DNAH6: variants seen among roughly 807,000 people sequenced by gnomAD.
DNAH6 encodes the protein dynein axonemal heavy chain 6.
DNAH6 carries 340 observed loss-of-function variants against 491.4 expected under a neutral mutation model. The ratio of observed to expected loss-of-function variants is 0.69; its 90% CI spans 0.63 to 0.76. DNAH6 has a LOEUF of 0.76. Among genes scored for constraint, DNAH6 ranks in the 30% least tolerant of loss-of-function variants. DNAH6 has a pLI of 0.00. For missense variants in DNAH6, 4,443 were observed against 4,972.2 expected (o/e 0.89, Z 3.20); for synonymous variants, 1,603 against 1,686.1 (o/e 0.95, Z 1.21).
rs760950704 is a variant in DNAH6 at position 84,550,004 on chromosome 2, G to C, written c.1432G>C (p.Asp478His). 5.0e-6 allele frequency: 8 copies of C among 1,613,888 alleles called. No homozygotes were observed. Among genetic ancestry groups the C allele is most frequent in the Non-Finnish European group, 6.8e-6 (8 of 1,179,964 alleles). Residue 478 changes from aspartate (D) to histidine (H), a missense_variant, in exon 9 of 77, where the codon GAT (aspartate) becomes CAT (histidine). Physicochemically the swap from Asp to His is moderately conservative, Grantham distance 81. This residue lies in a region of DNAH6 where 2,977 missense variants were observed against 3,296.6 expected (regional missense o/e 0.90). Coordinates refer to ENST00000389394, the MANE Select transcript of DNAH6 (RefSeq NM_001370.2). ...CAAGCTAAAACGAACACCTTCAGCAGATGTCATTCAGAAATGGATTACTGA... is the reference window on the plus strand; with the variant it reads ...CAAGCTAAAACGAACACCTTCAGCACATGTCATTCAGAAATGGATTACTGA... Reference protein sequence around the residue: ...TDKLKRTPSADVIQKWITEEK... With the variant: ...TDKLKRTPSAHVIQKWITEEK...
chr2:84,525,608 T>C lies in DNAH6; in HGVS notation c.269T>C (p.Ile90Thr). The C allele has an allele frequency of 6.5e-7, 1 of 1,550,250 alleles. No homozygotes were observed. Among genetic ancestry groups the C allele is most frequent in the Non-Finnish European group, 8.7e-7 (1 of 1,146,222 alleles). The change falls in exon 3 of 77, where the codon ATA (isoleucine) becomes ACA (threonine). Residue 90 changes from isoleucine to threonine, a missense_variant. Physicochemically the swap from Ile to Thr is moderately conservative, Grantham distance 89. Coordinates refer to ENST00000389394, the MANE Select transcript of DNAH6 (RefSeq NM_001370.2). The part of the protein sequence containing the change: ...VYQDHKQPEY[I>T]HEQNRFQLMT... ...CAAGATCATAAGCAGCCAGAATACA[T>C]ACATGAACAGAACCGATTTCAGTTA...
In DNAH6 at chr2:84,744,442, T is replaced by G. The variant is rs573165063; in HGVS notation, c.10343-638T>G. 2.0e-5 allele frequency among the ~76,000 whole-genome samples: 3 copies of G among 152,368 alleles called. No individual in the cohort carries two copies. The East Asian group carries it at 5.8e-4, about 29-fold the overall frequency. On this transcript the variant is annotated intron_variant, in intron 62 of 76. Coordinates refer to ENST00000389394, the MANE Select transcript of DNAH6 (RefSeq NM_001370.2). ...ATACAAGATACAAATCCATTTCTTATAAATATTCTATAGCCAGGGAGCAGG... is the reference window on the plus strand; with the variant it reads ...ATACAAGATACAAATCCATTTCTTAGAAATATTCTATAGCCAGGGAGCAGG...
Position 84,727,728 on chromosome 2 carries a change from C to G in DNAH6, c.10032C>G (p.Asp3344Glu). 6.4e-7 allele frequency: 1 copy of G among 1,551,568 alleles called. No individual in the cohort carries two copies. Among genetic ancestry groups the G allele is most frequent in the Non-Finnish European group, 8.7e-7 (1 of 1,146,852 alleles). The change falls in exon 61 of 77, where the codon GAC becomes GAG. Residue 3344 changes from aspartate (D) to glutamate (E), a missense_variant. Coordinates refer to ENST00000389394, the MANE Select transcript of DNAH6 (RefSeq NM_001370.2). Reference protein sequence around the residue: ...VKTENLQQRLDVLLEQTLLTA... With the variant: ...VKTENLQQRLEVLLEQTLLTA... ...CAGAAAATCTACAACAGCGCCTGGA[C>G]GTACTACTAGAACAAACTCTCCTAA...
Position 84,805,520 on chromosome 2 carries a change from T to G in DNAH6, c.11482-145T>G. On this transcript the variant is annotated intron_variant, in intron 70 of 76. Transcript: ENST00000389394. ...GTTAAGAGGGTAGATCTCATGTTAA[T>G]TGTTCTTACCACAATAAAATAAAGT... 3 of 687,116 alleles carry G rather than the reference T, an allele frequency of 4.4e-6. No individual in the cohort carries two copies. In the East Asian group the frequency reaches 9.6e-5, roughly 22 times the overall value. The allele number at this position is 687,116 out of a possible 1,614,324, so 42.6% of individuals were successfully genotyped here.
chr2:84,786,797 C>T (rs534121855), intron 67 of DNAH6, among the ~76,000 whole-genome samples: 2 of 152,266 alleles, frequency 1.3e-5, no homozygotes, highest in South Asian at 4.1e-4. Flanking sequence ...GAGTAGCTCT[C>T]TCCACCAGAT....
At chr2:84,571,792 G>C (rs546804947) in intron 11 of DNAH6, among the ~76,000 whole-genome samples, 12 of 151,410 alleles carry the variant, frequency 7.9e-5, no homozygotes, top group Non-Finnish European at 1.3e-4. Context: ...GGTGGCGGGC[G>C]CCTGTAATCC....
intron 64 of DNAH6, among the ~76,000 whole-genome samples, chr2:84,773,686 T>C (rs973572578): frequency 6.6e-6 from 1 of 152,130 alleles, no homozygotes; most frequent in African/African-American, 2.4e-5. Flanking sequence ...TGTGAACAAA[T>C]GCACAGTTTA....
At chr2:84,582,606 T>A (rs944058467) in intron 14 of DNAH6, among the ~76,000 whole-genome samples, 2 of 152,154 alleles carry the variant, frequency 1.3e-5, no homozygotes, top group African/African-American at 4.8e-5. Context: ...CATCCGCCAC[T>A]GCGCCCAGCT....
intron 64 of DNAH6, among the ~76,000 whole-genome samples, chr2:84,763,432 GT>G (rs1411415241): frequency 6.6e-6 from 1 of 151,500 alleles, no homozygotes; most frequent in African/African-American, 2.4e-5. Flanking sequence ...AGCTGATTTG[GT>G]TTTTTTTAAT....
chr2:84,571,778 G>A (rs11889188), intron 11 of DNAH6, among the ~76,000 whole-genome samples: 10,211 of 150,236 alleles, frequency 0.068, 1,134 homozygotes, highest in African/African-American at 0.24. Flanking sequence ...AAAAAAATTA[G>A]CGTGGTGGCG....
chr2:84,545,794 C>T (rs968515507), intron 5 of DNAH6, among the ~76,000 whole-genome samples: 1 of 152,164 alleles, frequency 6.6e-6, no homozygotes, highest in African/African-American at 2.4e-5. Flanking sequence ...GCTGATTCCC[C>T]TAGACAAGGT....
chr2:84,607,971 A>G (rs572144605), intron 21 of DNAH6, among the ~76,000 whole-genome samples: 1 of 152,286 alleles, frequency 6.6e-6, no homozygotes, highest in East Asian at 1.9e-4. Context: ...CTCAAGCCCT[A>G]CTTCTGCTTT....
At chr2:84,789,355 G>A (rs550496546) in intron 68 of DNAH6, among the ~76,000 whole-genome samples, 69 of 152,266 alleles carry the variant, frequency 4.5e-4, no homozygotes, top group South Asian at 1.5e-3. Context: ...CCACTCCATA[G>A]GTGCCAAAAC....
At chr2:84,701,948 A>G (rs1270094677) in intron 49 of DNAH6, among the ~76,000 whole-genome samples, 1 of 152,142 alleles carries the variant, frequency 6.6e-6, no homozygotes, top group Non-Finnish European at 1.5e-5. Flanking sequence ...TCTCCTTTTC[A>G]ATAATTATAT....
chr2:84,812,787 G>T (rs762378496), intron 73 of DNAH6, among the ~76,000 whole-genome samples: 1 of 152,156 alleles, frequency 6.6e-6, no homozygotes, highest in Non-Finnish European at 1.5e-5. Flanking sequence ...CCCACAGTGA[G>T]GTATAGACCA....
At chr2:84,579,063 G>A (rs1034439138) in intron 13 of DNAH6, among the ~76,000 whole-genome samples, 5 of 152,004 alleles carry the variant, frequency 3.3e-5, no homozygotes, top group African/African-American at 7.3e-5. Flanking sequence ...ACCCAGTCTC[G>A]GGCAGTTCTT....
At chr2:84,619,494 C>T (rs531005563) in intron 23 of DNAH6, among the ~76,000 whole-genome samples, 191 bp from the exon 24 acceptor site, 2 of 152,228 alleles carry the variant, frequency 1.3e-5, no homozygotes, top group Admixed American at 6.5e-5. Flanking sequence ...CACCTAAATG[C>T]GTCATCACTA....
At chr2:84,646,962 C>T (rs1689957437) in intron 33 of DNAH6, among the ~76,000 whole-genome samples, 1 of 152,176 alleles carries the variant, frequency 6.6e-6, no homozygotes, top group African/African-American at 2.4e-5. Flanking sequence ...ATTCTCCTGC[C>T]TCAGCCTCCC....
chr2:84,641,951 T>C lies in DNAH6; in HGVS notation c.4975T>C (p.Leu1659=). The part of the protein sequence containing the change: ...VKSVLVMAGS[L]KRENPDLNED... Reference sequence around the variant, plus strand: ...GAAATATTCCTTTAAATTTAGATCTTTAAAAAGAGAAAACCCAGACCTAAA... The same window carrying C: ...GAAATATTCCTTTAAATTTAGATCTCTAAAAAGAGAAAACCCAGACCTAAA... The change falls in exon 33 of 77, where the codon TTA becomes CTA. Residue 1659 remains leucine (L), a synonymous_variant. Transcript: ENST00000389394. 6.5e-7 allele frequency: 1 copy of C among 1,549,140 alleles called. No homozygotes were observed. The highest frequency in any genetic ancestry group is 8.7e-7 in the Non-Finnish European group (1 of 1,145,826).
Sources: allele counts gnomAD v4.1 joint callset (sites outside exome capture counted in the v4.1 genomes callset), GRCh38; gene constraint gnomAD v4.1.1; regional missense constraint gnomAD v4.1.1; transcripts MANE v1.5; gene names NCBI Gene and HGNC (gene_info 2026-07-23, HGNC 2026-07-21).